Variants in CES1 observed in about 807,000 individuals in gnomAD.
CES1 encodes the protein liver carboxylesterase 1.
Under a neutral mutation model 53.0 loss-of-function variants are expected in CES1, and 50 were observed. That is an observed-to-expected ratio of 0.94 (90% CI 0.75 to 1.19). CES1 has a LOEUF of 1.19. Among genes scored for constraint, CES1 ranks in the 50% most tolerant of loss-of-function variants. The pLI, the probability that CES1 is intolerant of heterozygous loss-of-function variation, is 0.00. For missense variants in CES1, 534 were observed against 538.0 expected (o/e 0.99, Z 0.07); for synonymous variants, 202 against 210.1 (o/e 0.96, Z 0.33).
intron 3 of CES1, among the ~76,000 whole-genome samples, chr16:55,825,402 C>G (rs28682569): frequency 0.043 from 6,547 of 152,296 alleles, 191 homozygotes; most frequent in Middle Eastern, 0.13. Flanking sequence ...TCCCCACCCT[C>G]CAACCTGCAG....
intron 1 of CES1, among the ~76,000 whole-genome samples, chr16:55,831,905 G>A (rs1456849029): frequency 9.2e-5 from 14 of 151,582 alleles, no homozygotes; most frequent in Non-Finnish European, 1.6e-4. Context: ...GGGGTATTTC[G>A]AGGCCCCTCG....
At chr16:55,830,803 A>AAGGAAGGAAGGGAGGG (rs1555514149) in intron 1 of CES1, among the ~76,000 whole-genome samples, 27 of 145,490 alleles carry the variant, frequency 1.9e-4, no homozygotes, top group African/African-American at 6.8e-4. Flanking sequence ...GGAAGGAAGG[A>AAGGAAGGAAGGGAGGG]AGGAAGGAAG....
At chr16:55,810,697 G>T (rs2244613) in intron 10 of CES1, 33 bp from the exon 11 acceptor site, 1,252,974 of 1,591,444 alleles carry the variant, frequency 0.79, 500,839 homozygotes, top group Non-Finnish European at 0.82. Context: ...CACCAGCCCC[G>T]GGTGAGCGAT....
intron 7 of CES1, 46 bp from the exon 8 acceptor site, chr16:55,817,008 G>A (rs1296227369): frequency 1.2e-6 from 2 of 1,608,104 alleles, no homozygotes; most frequent in East Asian, 2.2e-5. Context: ...CTTACCAGGA[G>A]AACACTGAGC....
chr16:55,810,327 A>AT (rs543946366), intron 11 of CES1, among the ~76,000 whole-genome samples, 190 bp downstream of exon 11: 1 of 151,384 alleles, frequency 6.6e-6, no homozygotes, highest in East Asian at 1.9e-4. Flanking sequence ...TTGCCTCTGG[A>AT]TTTTTTTTTC....
intron 5 of CES1, among the ~76,000 whole-genome samples, chr16:55,820,764 GC>G (rs1267793545): frequency 5.3e-5 from 8 of 151,798 alleles, no homozygotes; most frequent in Non-Finnish European, 1.2e-4. Flanking sequence ...CACAACCCCT[GC>G]CCCATCCCTC....
In CES1 at chr16:55,826,144, A is replaced by G. The variant is rs1401586690; in HGVS notation, c.405+7T>C. 4.3e-4 allele frequency: 698 copies of G among 1,612,354 alleles called. No individual in the cohort carries two copies. Among genetic ancestry groups the G allele is most frequent in the Admixed American group, 8.5e-4 (51 of 59,984 alleles). On this transcript the variant is annotated splice_region_variant and intron_variant, in intron 3 of 13. Transcript: ENST00000360526. ...ACACGCCTTGACCAGGGGGTCCCAC[A>G]ACTTACCGGCAGCCTGTTTTTCTTG...
At chr16:55,822,859 A>G (rs1359317793) in intron 4 of CES1, among the ~76,000 whole-genome samples, 1 of 152,006 alleles carries the variant, frequency 6.6e-6, no homozygotes, top group Non-Finnish European at 1.5e-5. Context: ...CCGCAATGAG[A>G]CCAACTGAGT....
In CES1 at chr16:55,828,699, G is replaced by T. The variant is rs149985445; in HGVS notation, c.260+68C>A. On this transcript the variant is annotated intron_variant, in intron 2 of 13. Transcript: ENST00000360526. ...CAGAGCAAAGGATCAGCCCGTCAGG[G>T]GACTGCCTTGACTCCTTCCTGCATC... The T allele has an allele frequency of 6.6e-5, 105 of 1,581,494 alleles. No individual in the cohort carries two copies. In the African/African-American group the frequency reaches 1.3e-3, roughly 20 times the overall value.
chr16:55,814,645 C>T (rs2031850695), intron 8 of CES1, among the ~76,000 whole-genome samples: 1 of 152,230 alleles, frequency 6.6e-6, no homozygotes, highest in Non-Finnish European at 1.5e-5. Context: ...CTCATAGACA[C>T]CAGTCCTCTG....
At chr16:55,811,334 A>G (rs1182125296) in intron 9 of CES1, among the ~76,000 whole-genome samples, 1 of 151,832 alleles carries the variant, frequency 6.6e-6, no homozygotes, top group Non-Finnish European at 1.5e-5. Context: ...AGTGACATGG[A>G]GATGCAAGGT....
At chr16:55,813,344 T>C (rs1169648631) in intron 8 of CES1, among the ~76,000 whole-genome samples, 6 of 152,254 alleles carry the variant, frequency 3.9e-5, no homozygotes, top group African/African-American at 1.4e-4. Context: ...GCATGCATTT[T>C]CCTCTGTGTG....
At chr16:55,819,468 G>A in intron 7 of CES1, 67 bp downstream of exon 7, 1 of 1,161,542 alleles carries the variant, frequency 8.6e-7, no homozygotes, top group Non-Finnish European at 1.3e-6. Context: ...TGGGCAAGAG[G>A]ACAGCTGAAA....
rs1316833745 is a variant in CES1 at position 55,826,495 on chromosome 16, A to C, written c.261-200T>G. ...TCACTAAGGTCTCCTAAGACCAAGCAGAGTGAGAAGGGCTTCACACCTCTT... is the reference window on the plus strand; with the variant it reads ...TCACTAAGGTCTCCTAAGACCAAGCCGAGTGAGAAGGGCTTCACACCTCTT... On this transcript the variant is annotated intron_variant, in intron 2 of 13. Coordinates refer to ENST00000360526, the MANE Select transcript of CES1 (RefSeq NM_001025195.2). 2.0e-5 allele frequency among the ~76,000 whole-genome samples: 3 copies of C among 152,208 alleles called. No individual in the cohort carries two copies. In the East Asian group the frequency reaches 5.8e-4, roughly 29 times the overall value.
chr16:55,825,829 T>A (rs767476434), intron 3 of CES1, among the ~76,000 whole-genome samples: 1 of 152,230 alleles, frequency 6.6e-6, no homozygotes, highest in Non-Finnish European at 1.5e-5. Context: ...ACATTGAAAA[T>A]CATGTCTTAC....
intron 3 of CES1, among the ~76,000 whole-genome samples, chr16:55,825,718 C>T (rs1243862652): frequency 6.6e-6 from 1 of 152,216 alleles, no homozygotes; most frequent in Non-Finnish European, 1.5e-5. Context: ...GCCAAAACTA[C>T]CCTACTGGGT....
Position 55,821,598 on chromosome 16 carries a change from G to A in CES1, c.540-77C>T, listed in dbSNP as rs1171764716. The A allele has an allele frequency of 4.6e-6, 7 of 1,525,974 alleles. No individual in the cohort carries two copies. The African/African-American group carries it at 5.5e-5, about 12-fold the overall frequency. 94.5% of individuals were successfully genotyped at this position (1,525,974 alleles called of 1,614,324 possible). The stretch of plus-strand genomic sequence containing the variant: ...CCTTCAGGACCACAGATGGGGCTAG[G>A]GGTTCTCAGTGAACCCTTAAGAATA... On this transcript the variant is annotated intron_variant, in intron 4 of 13. Coordinates refer to ENST00000360526, the MANE Select transcript of CES1 (RefSeq NM_001025195.2).
chr16:55,831,782 G>A (rs1277318109), intron 1 of CES1, among the ~76,000 whole-genome samples: 1 of 151,744 alleles, frequency 6.6e-6, no homozygotes, highest in Non-Finnish European at 1.5e-5. Flanking sequence ...AGACGGGGCT[G>A]GGCTGTCAGG....
intron 1 of CES1, among the ~76,000 whole-genome samples, chr16:55,830,819 A>AAGGAAGGCAGGCAGGCAGGCAGGC (rs1454708070): frequency 1.5e-4 from 19 of 127,354 alleles, no homozygotes; most frequent in African/African-American, 5.6e-4. Flanking sequence ...GGAAGGAAGG[A>AAGGAAGGCAGGCAGGCAGGCAGGC]AGGCAGGCAG....
Sources: gnomAD v4.1 joint callset for allele counts (sites outside exome capture counted in the v4.1 genomes callset) on GRCh38, gnomAD v4.1.1 for gene constraint, MANE v1.5 for transcripts, NCBI Gene and HGNC (gene_info 2026-07-23, HGNC 2026-07-21) for gene names.